The following PRKG1 variants were observed in gnomAD, a reference collection of about 807,000 sequenced individuals.
The protein encoded by PRKG1 is protein kinase cGMP-dependent 1.
A neutral mutation model predicts 88.1 loss-of-function variants in PRKG1; 35 were observed. That is an observed-to-expected ratio of 0.40 (90% CI 0.30 to 0.53). The LOEUF (loss-of-function observed/expected upper bound fraction) is 0.53. Ranked by LOEUF, PRKG1 falls within the 20% of genes least tolerant of loss-of-function variation. PRKG1 has a pLI of 0.59. For missense variants in PRKG1, 540 were observed against 839.8 expected (o/e 0.64, Z 4.41); for synonymous variants, 303 against 292.5 (o/e 1.04, Z -0.37).
intron 2 of PRKG1, among the ~76,000 whole-genome samples, chr10:51,221,826 G>T (rs1200398331): frequency 6.6e-6 from 1 of 151,320 alleles, no homozygotes; most frequent in Non-Finnish European, 1.5e-5. Context: ...AATAAAAGAG[G>T]AGCATTTTTC....
intron 3 of PRKG1, among the ~76,000 whole-genome samples, chr10:51,487,019 T>G (rs1425347320): frequency 6.6e-6 from 1 of 151,900 alleles, no homozygotes. Flanking sequence ...TGAGAGGGTA[T>G]TAAAGAGCAT....
intron 3 of PRKG1, among the ~76,000 whole-genome samples, chr10:51,590,549 A>T (rs187568050): frequency 6.6e-6 from 1 of 152,314 alleles, no homozygotes; most frequent in East Asian, 1.9e-4. Context: ...CCAAGAAAAA[A>T]GGTTCCTCTT....
At chr10:51,505,141 A>G (rs1387841715) in intron 3 of PRKG1, among the ~76,000 whole-genome samples, 1 of 151,712 alleles carries the variant, frequency 6.6e-6, no homozygotes, top group Non-Finnish European at 1.5e-5. Context: ...TTTGAGATAC[A>G]TCCCATCAAT....
intron 2 of PRKG1, among the ~76,000 whole-genome samples, chr10:51,223,014 CG>C (rs985398734): frequency 6.9e-6 from 1 of 144,204 alleles, no homozygotes; most frequent in African/African-American, 2.8e-5. Context: ...TTGTGTGTGG[CG>C]GGGGGTGGTG....
intron 2 of PRKG1, among the ~76,000 whole-genome samples, chr10:51,368,151 CTCTT>C (rs1229301742): frequency 6.6e-6 from 1 of 151,978 alleles, no homozygotes; most frequent in Non-Finnish European, 1.5e-5. Flanking sequence ...TACAAATAAA[CTCTT>C]TTATTTTTGC....
intron 3 of PRKG1, among the ~76,000 whole-genome samples, chr10:51,537,087 A>T (rs1490381150): frequency 2.0e-5 from 3 of 152,124 alleles, no homozygotes; most frequent in Admixed American, 2.0e-4. Context: ...TAAGTTTTAA[A>T]GCCAATAGCA....
intron 3 of PRKG1, among the ~76,000 whole-genome samples, chr10:51,564,861 G>T (rs578021040): frequency 1.3e-4 from 20 of 152,144 alleles, no homozygotes; most frequent in African/African-American, 4.3e-4. Context: ...GTTTTTCCAG[G>T]AGTGTAATTG....
intron 2 of PRKG1, among the ~76,000 whole-genome samples, chr10:51,196,866 A>T (rs1025896047): frequency 6.6e-6 from 1 of 152,220 alleles, no homozygotes; most frequent in African/African-American, 2.4e-5. Context: ...TTATCCTCAA[A>T]TTGTTTCATA....
intron 2 of PRKG1, among the ~76,000 whole-genome samples, chr10:51,381,291 A>AAAAAAAAAAG (rs1837093703): frequency 7.2e-6 from 1 of 138,114 alleles, no homozygotes. Context: ...AAAAAAAAAA[A>AAAAAAAAAAG]AAAAAAAAAG....
chr10:51,534,528 C>A (rs1262873197), intron 3 of PRKG1, among the ~76,000 whole-genome samples: 1 of 136,170 alleles, frequency 7.3e-6, no homozygotes, highest in East Asian at 2.3e-4. Context: ...ATTAGCCGGG[C>A]GAGGTGGCGG....
chr10:51,549,710 T>C (rs575487491), intron 3 of PRKG1, among the ~76,000 whole-genome samples: 3 of 152,264 alleles, frequency 2.0e-5, no homozygotes, highest in Non-Finnish European at 2.9e-5. Context: ...CGTGGTGTTC[T>C]CTATTTGGAT....
At chr10:50,999,524 G>T (rs978288302) in intron 1 of PRKG1, among the ~76,000 whole-genome samples, 1 of 152,106 alleles carries the variant, frequency 6.6e-6, no homozygotes, top group Non-Finnish European at 1.5e-5. Context: ...TTTAAAATGT[G>T]TTTTAAATTC....
intron 2 of PRKG1, among the ~76,000 whole-genome samples, chr10:51,400,762 C>A (rs1469469795): frequency 1.3e-5 from 2 of 152,172 alleles, no homozygotes; most frequent in African/African-American, 4.8e-5. Context: ...CCAGTTTTAT[C>A]TTTCCTGTCT....
chr10:51,614,357 T>C (rs1838989212), intron 3 of PRKG1, among the ~76,000 whole-genome samples: 1 of 152,104 alleles, frequency 6.6e-6, no homozygotes, highest in South Asian at 2.1e-4. Context: ...TTTCCATCCC[T>C]TTACTTTCAA....
At chr10:52,265,287 T>C (rs1483116390) in intron 10 of PRKG1, among the ~76,000 whole-genome samples, 1 of 152,106 alleles carries the variant, frequency 6.6e-6, no homozygotes, top group Non-Finnish European at 1.5e-5. Context: ...GGGAGTACCC[T>C]TCTCCTGCTG....
Position 52,199,546 on chromosome 10 carries a change from A to G in PRKG1, c.1076+37583A>G, listed in dbSNP as rs139675659. On this transcript the variant is annotated intron_variant, in intron 9 of 17. Transcript: ENST00000373980. ...AAGAATGTATTCACTATCTTCTCAT[A>G]ACTATTATCTGCAGAGATCTTCATG... Among the ~76,000 whole-genome samples the G allele has an allele frequency of 3.3e-5, 5 of 152,248 alleles. No individual in the cohort carries two copies. In the East Asian group the frequency reaches 9.7e-4, roughly 29 times the overall value.
intron 4 of PRKG1, among the ~76,000 whole-genome samples, chr10:51,859,780 A>C (rs894401664): frequency 6.6e-6 from 1 of 152,132 alleles, no homozygotes; most frequent in African/African-American, 2.4e-5. Context: ...CCCATACAAA[A>C]AAATTCTCTT....
intron 2 of PRKG1, among the ~76,000 whole-genome samples, chr10:51,304,826 T>C (rs562241072): frequency 1.3e-5 from 2 of 152,172 alleles, no homozygotes; most frequent in East Asian, 3.9e-4. Flanking sequence ...TCATTTTTTA[T>C]GGCTGCATAG....
At chr10:51,628,008 C>T (rs10823292) in intron 3 of PRKG1, among the ~76,000 whole-genome samples, 651 of 50,310 alleles carry the variant, frequency 0.013, 18 homozygotes, top group Non-Finnish European at 0.012. Flanking sequence ...CTCTCTCTCT[C>T]TCTTTCTTTC....
Sources: allele counts gnomAD v4.1 joint callset (sites outside exome capture counted in the v4.1 genomes callset), GRCh38; gene constraint gnomAD v4.1.1; transcripts MANE v1.5; gene names NCBI Gene and HGNC (gene_info 2026-07-23, HGNC 2026-07-21).